Variants in PTPRD observed in about 807,000 individuals in gnomAD.
The protein encoded by PTPRD is receptor-type tyrosine-protein phosphatase delta.
A neutral mutation model predicts 214.5 loss-of-function variants in PTPRD; 34 were observed. That is an observed-to-expected ratio of 0.16 (90% CI 0.12 to 0.21). The LOEUF is 0.21. PTPRD is among the 10% of genes least tolerant of loss of function. PTPRD has a pLI of 1.00. For synonymous variants in PTPRD, 1,128 were observed against 845.7 expected (o/e 1.33, Z -5.79); for missense variants, 2,545 against 2,398.7 (o/e 1.06, Z -1.27).
At chr9:8,726,745 G>A (rs1180959365) in intron 12 of PTPRD, among the ~76,000 whole-genome samples, 1 of 142,884 alleles carries the variant, frequency 7.0e-6, no homozygotes, top group Non-Finnish European at 1.5e-5. Context: ...AGTTTGCAGT[G>A]AGCCAACATG....
Position 10,149,673 on chromosome 9 carries a change from T to C in PTPRD, c.-544-115883A>G, listed in dbSNP as rs570295348. 5.3e-5 allele frequency among the ~76,000 whole-genome samples: 8 copies of C among 152,170 alleles called. No individual in the cohort carries two copies. In the South Asian group the frequency reaches 8.3e-4, roughly 16 times the overall value. On this transcript the variant is annotated intron_variant, in intron 3 of 45. Coordinates refer to ENST00000381196, the MANE Select transcript of PTPRD (RefSeq NM_002839.4). Reference sequence around the variant, plus strand: ...TATAATTCCAGCTCATTATTGATTATCTATAAAACTGTGGACAATTCAAAT... The same window carrying C: ...TATAATTCCAGCTCATTATTGATTACCTATAAAACTGTGGACAATTCAAAT...
At position 8,315,627 on chromosome 9, in the gene PTPRD, T is replaced by A. The variant is rs1212000236; in HGVS notation, c.*2247A>T. 2 of 228,320 alleles carry A rather than the reference T, an allele frequency of 8.8e-6. No individual in the cohort carries two copies. Among genetic ancestry groups the A allele is most frequent in the South Asian group, 1.8e-4 (1 of 5,470 alleles). The allele number at this position is 228,320 out of a possible 1,614,324, so 14.1% of individuals were successfully genotyped here. A position where few individuals can be genotyped will look rare whatever the true frequency, so the allele number is the denominator to read the frequency against. ...AGGTAGCCTTCTAGATACTTTTTTT[T>A]AGTATTATATATATTTTCTTTTTTT... On this transcript the variant is annotated 3_prime_UTR_variant, in exon 46 of 46. Coordinates refer to ENST00000381196, the MANE Select transcript of PTPRD (RefSeq NM_002839.4).
intron 10 of PTPRD, among the ~76,000 whole-genome samples, chr9:9,124,537 A>G (rs1292909810): frequency 6.6e-6 from 1 of 152,178 alleles, no homozygotes; most frequent in East Asian, 1.9e-4. Context: ...ACTAAAAACA[A>G]TCAAGCAATT....
intron 9 of PTPRD, among the ~76,000 whole-genome samples, chr9:9,267,827 T>C (rs1156377726): frequency 6.6e-6 from 1 of 151,104 alleles, no homozygotes; most frequent in African/African-American, 2.4e-5. Flanking sequence ...ATTGAACATA[T>C]TTTTATGATA....
intron 11 of PTPRD, among the ~76,000 whole-genome samples, chr9:9,006,015 TTTC>T (rs1175530861): frequency 6.6e-6 from 1 of 152,016 alleles, no homozygotes; most frequent in Admixed American, 6.6e-5. Flanking sequence ...TTTTTTAAAT[TTTC>T]TTATCATAAA....
At chr9:9,333,199 G>C (rs74594254) in intron 9 of PTPRD, among the ~76,000 whole-genome samples, 19,073 of 151,816 alleles carry the variant, frequency 0.13, 1,296 homozygotes, top group Middle Eastern at 0.17. Context: ...AGAAGAGCAA[G>C]ATCAGTGGGG....
chr9:9,589,789 A>T (rs1195015513), intron 7 of PTPRD, among the ~76,000 whole-genome samples: 1 of 152,052 alleles, frequency 6.6e-6, no homozygotes, highest in African/African-American at 2.4e-5. Flanking sequence ...TTTGAACAAC[A>T]ACATGTGGTA....
At chr9:8,463,466 T>C (rs2096471792) in intron 32 of PTPRD, among the ~76,000 whole-genome samples, 1 of 151,880 alleles carries the variant, frequency 6.6e-6, no homozygotes, top group Admixed American at 6.6e-5. Context: ...TAAAACAGTT[T>C]CATAGACAGA....
rs528686316 is a variant in PTPRD, at chr9:8,528,854, C to A, written c.353-75G>T. On this transcript the variant is annotated intron_variant, in intron 14 of 45. Coordinates refer to ENST00000381196, the MANE Select transcript of PTPRD (RefSeq NM_002839.4). ...CAAATTCAAGAGATTCCCCAGAAAT[C>A]TCTCTTTACCTTACTCAGTGCTTGT... 2.2e-4 allele frequency: 307 copies of A among 1,425,988 alleles called. No individual in the cohort carries two copies. The African/African-American group carries it at 4.1e-3, about 19-fold the overall frequency. 88.3% of individuals were successfully genotyped at this position (1,425,988 alleles called of 1,614,324 possible). A position where few individuals can be genotyped will look rare whatever the true frequency, so the allele number is the denominator to read the frequency against.
chr9:9,152,880 G>C (rs981396740), intron 10 of PTPRD, among the ~76,000 whole-genome samples: 3 of 152,186 alleles, frequency 2.0e-5, no homozygotes, highest in Non-Finnish European at 2.9e-5. Flanking sequence ...ACCGATGAGA[G>C]GGGCACACAT....
intron 9 of PTPRD, among the ~76,000 whole-genome samples, chr9:9,211,495 C>G (rs1221678202): frequency 6.7e-6 from 1 of 148,182 alleles, no homozygotes; most frequent in Non-Finnish European, 1.5e-5. Context: ...TCCTTCCTTC[C>G]TCTCCCCCAG....
At chr9:8,903,923 C>T (rs1017299556) in intron 11 of PTPRD, among the ~76,000 whole-genome samples, 7 of 152,136 alleles carry the variant, frequency 4.6e-5, no homozygotes, top group African/African-American at 1.7e-4. Flanking sequence ...TGGCTCAAGG[C>T]AGTGTCTCAT....
At chr9:8,522,242 G>A (rs2097905797) in intron 19 of PTPRD, among the ~76,000 whole-genome samples, 1 of 152,170 alleles carries the variant, frequency 6.6e-6, no homozygotes, top group Non-Finnish European at 1.5e-5. Context: ...GAATCTCAAG[G>A]CCCGTGCTAA....
intron 2 of PTPRD, among the ~76,000 whole-genome samples, chr9:10,514,985 T>G (rs929345927): frequency 3.3e-5 from 5 of 152,060 alleles, no homozygotes; most frequent in African/African-American, 1.2e-4. Context: ...ATTCAATTGT[T>G]TTCTGAAGAG....
chr9:10,235,378 A>C (rs1366170383), intron 3 of PTPRD, among the ~76,000 whole-genome samples: 1 of 151,956 alleles, frequency 6.6e-6, no homozygotes, highest in Admixed American at 6.6e-5. Flanking sequence ...TGTTCCATTT[A>C]CTAAGGAAAA....
At chr9:9,118,505 T>A (rs909249473) in intron 10 of PTPRD, among the ~76,000 whole-genome samples, 5 of 152,242 alleles carry the variant, frequency 3.3e-5, no homozygotes, top group Non-Finnish European at 5.9e-5. Context: ...GGTCTGTTTT[T>A]ATTCTTTATG....
intron 3 of PTPRD, among the ~76,000 whole-genome samples, chr9:10,331,587 T>G (rs912829155): frequency 6.6e-6 from 1 of 151,838 alleles, no homozygotes; most frequent in Non-Finnish European, 1.5e-5. Flanking sequence ...TCTGCTTTCC[T>G]GCTCTTGTGT....
At chr9:8,481,024 C>T (rs530386930) in intron 30 of PTPRD, among the ~76,000 whole-genome samples, 2 of 151,256 alleles carry the variant, frequency 1.3e-5, no homozygotes, top group Admixed American at 1.3e-4. Context: ...CCTGTAGTCA[C>T]AGCCGCTCGA....
chr9:9,346,223 G>A (rs2048741924), intron 9 of PTPRD, among the ~76,000 whole-genome samples: 1 of 152,096 alleles, frequency 6.6e-6, no homozygotes, highest in African/African-American at 2.4e-5. Context: ...TGTTTACAAT[G>A]ACATTTATCA....
Sources: allele counts gnomAD v4.1 joint callset (sites outside exome capture counted in the v4.1 genomes callset), GRCh38; gene constraint gnomAD v4.1.1; transcripts MANE v1.5; gene names NCBI Gene and HGNC (gene_info 2026-07-23, HGNC 2026-07-21).